The following ALDH1L1 variants were observed in gnomAD, a reference collection of about 807,000 sequenced individuals.
ALDH1L1 encodes the protein aldehyde dehydrogenase 1 family member L1.
ALDH1L1 carries 68 observed loss-of-function variants against 101.1 expected under a neutral mutation model. The observed-to-expected ratio is 0.67, with a 90% CI of 0.55 to 0.82. The LOEUF (loss-of-function observed/expected upper bound fraction) is 0.82, where lower values mean the gene tolerates loss of function less well. Ranked by LOEUF, ALDH1L1 falls within the 40% of genes least tolerant of loss-of-function variation. ALDH1L1 has a pLI of 0.00. For missense variants in ALDH1L1, 1,087 were observed against 1,172.7 expected, an observed-to-expected ratio of 0.93 and a Z score of 1.07; for synonymous variants, 486 against 470.8, an observed-to-expected ratio of 1.03 and a Z score of -0.42.
Position 126,109,931 on chromosome 3 carries a change from C to T in ALDH1L1, c.2347+13G>A. 6.2e-7 allele frequency: 1 copy of T among 1,613,188 alleles called. No individual in the cohort carries two copies. Among genetic ancestry groups the T allele is most frequent in the Non-Finnish European group, 8.5e-7 (1 of 1,179,804 alleles). On this transcript the variant is annotated intron_variant, in intron 20 of 22. Transcript: ENST00000393434. The stretch of plus-strand genomic sequence containing the variant: ...TCAATTGACCCAAGCGGACCTGACA[C>T]ACTCTGACTCACCTGGCCGAGGGAC...
At chr3:126,169,889 G>A (rs4404401) in intron 1 of ALDH1L1, among the ~76,000 whole-genome samples, 62,979 of 151,896 alleles carry the variant, frequency 0.41, 13,376 homozygotes, top group Middle Eastern at 0.53. Flanking sequence ...AAAAACTATA[G>A]CACACCTGTT....
intron 17 of ALDH1L1, among the ~76,000 whole-genome samples, chr3:126,116,496 T>A (rs2079975665): frequency 1.3e-5 from 2 of 152,142 alleles, no homozygotes; most frequent in Non-Finnish European, 2.9e-5. Context: ...TCTGGAGTGC[T>A]CAGAGCTGAC....
chr3:126,131,456 C>A lies in ALDH1L1; in HGVS notation c.1551G>T (p.Leu517=), dbSNP rs759680578. The change falls in exon 13 of 23, where the codon CTG becomes CTT. Residue 517 remains leucine, a synonymous_variant. Coordinates refer to ENST00000393434, the MANE Select transcript of ALDH1L1 (RefSeq NM_012190.4). ...ACATGCCCACGTGGGTCTTCAGGGC[C>A]AGCGTGTAGACGGCACCCGCATCCA... is the stretch of plus-strand genomic sequence containing the variant. The part of the protein sequence containing the change: ...EALDAGAVYT[L]ALKTHVGMSI... 2 of 1,613,584 alleles carry A rather than the reference C, an allele frequency of 1.2e-6. No individual in the cohort carries two copies. The highest frequency in any genetic ancestry group is 1.7e-6 in the Non-Finnish European group (2 of 1,179,532).
upstream of ALDH1L1, chr3:126,181,058 C>G (rs940341640): frequency 4.6e-6 from 7 of 1,534,628 alleles, no homozygotes; most frequent in African/African-American, 8.2e-5. Flanking sequence ...GCTGCGCATC[C>G]GGGTGGATAG....
chr3:126,112,167 G>C (rs561446222), intron 19 of ALDH1L1, among the ~76,000 whole-genome samples: 2 of 152,326 alleles, frequency 1.3e-5, no homozygotes, highest in African/African-American at 2.4e-5. Context: ...TGCTCTTCCA[G>C]GTGTGGCTGA....
intron 1 of ALDH1L1, among the ~76,000 whole-genome samples, chr3:126,187,465 G>A (rs973113881): frequency 6.6e-6 from 1 of 152,112 alleles, no homozygotes; most frequent in Non-Finnish European, 1.5e-5. Flanking sequence ...GTCATCTCCC[G>A]AGGTGGGATG....
intron 7 of ALDH1L1, 148 bp from the exon 8 acceptor site, chr3:126,150,679 C>T (rs1431616467): frequency 2.1e-6 from 2 of 947,412 alleles, no homozygotes; most frequent in Non-Finnish European, 1.5e-6. Context: ...CTCAGCCCTC[C>T]TGAATAGCTG....
chr3:126,148,800 C>A (rs1298079404), intron 8 of ALDH1L1, among the ~76,000 whole-genome samples: 1 of 152,154 alleles, frequency 6.6e-6, no homozygotes, highest in Non-Finnish European at 1.5e-5. Flanking sequence ...CCTGAAATAG[C>A]CAATCCTTCA....
rs1945848308 is a variant in ALDH1L1 at position 126,105,815 on chromosome 3, G to A, written c.2564C>T (p.Ala855Val). 6.2e-7 allele frequency: 1 copy of A among 1,614,228 alleles called. No individual in the cohort carries two copies. Among genetic ancestry groups the A allele is most frequent in the Non-Finnish European group, 8.5e-7 (1 of 1,180,038 alleles). Residue 855 changes from alanine (A) to valine (V), a missense_variant, in exon 22 of 23, where the codon GCA becomes GTA. By Grantham distance (64) the Ala-to-Val change is moderately conservative (BLOSUM62 0). This residue lies in a region of ALDH1L1 where 442 missense variants were observed against 535.7 expected (regional missense o/e 0.83). Transcript: ENST00000393434. ...GTACGTGTTGACAAACACAGTGCCT[G>A]CCTGGAGCTTGTCACTGACATACAG... The part of the protein sequence containing the change: ...KALYVSDKLQ[A>V]GTVFVNTYNK...
At chr3:126,155,169 A>G (rs1041129571) in intron 5 of ALDH1L1, among the ~76,000 whole-genome samples, 1 of 152,012 alleles carries the variant, frequency 6.6e-6, no homozygotes, top group Non-Finnish European at 1.5e-5. Flanking sequence ...ATTCCTCCTA[A>G]AGAGGAACAG....
intron 1 of ALDH1L1, among the ~76,000 whole-genome samples, chr3:126,197,313 C>T (rs1437332056): frequency 6.6e-6 from 1 of 152,162 alleles, no homozygotes; most frequent in Non-Finnish European, 1.5e-5. Context: ...CCATTTTTAC[C>T]TAAAACATTG....
At chr3:126,105,668 G>T in intron 22 of ALDH1L1, 58 bp downstream of exon 22, 1 of 1,596,980 alleles carries the variant, frequency 6.3e-7, no homozygotes, top group South Asian at 1.1e-5. Flanking sequence ...AAGTGGTTTT[G>T]AACAGATGTT....
At chr3:126,154,758 T>G in intron 5 of ALDH1L1, 115 bp from the exon 6 acceptor site, 1 of 884,412 alleles carries the variant, frequency 1.1e-6, no homozygotes, top group East Asian at 2.6e-5. Flanking sequence ...CCCAGCTTCC[T>G]CTTAGACACT....
At chr3:126,188,426 C>T (rs1200697082) in intron 1 of ALDH1L1, among the ~76,000 whole-genome samples, 2 of 152,098 alleles carry the variant, frequency 1.3e-5, no homozygotes, top group South Asian at 2.1e-4. Context: ...TTGCAGATAC[C>T]GAGAGACCAC....
chr3:126,189,285 A>C (rs949226340), intron 1 of ALDH1L1, among the ~76,000 whole-genome samples: 2 of 152,220 alleles, frequency 1.3e-5, no homozygotes, highest in African/African-American at 2.4e-5. Flanking sequence ...CCAAGTAAAA[A>C]AGTAGGCATA....
rs1945848399 is a variant in ALDH1L1 at position 126,105,818 on chromosome 3, T to C, written c.2561A>G (p.Gln854Arg). The change falls in exon 22 of 23, where the codon CAG (glutamine) becomes CGG (arginine). Residue 854 changes from glutamine (Q) to arginine (R), a missense_variant. By Grantham distance (43) the Gln-to-Arg change is conservative. Coordinates refer to ENST00000393434, the MANE Select transcript of ALDH1L1 (RefSeq NM_012190.4). ...NKALYVSDKL[Q>R]AGTVFVNTYN... Reference sequence around the variant, plus strand: ...CGTGTTGACAAACACAGTGCCTGCCTGGAGCTTGTCACTGACATACAGGGC... The same window carrying C: ...CGTGTTGACAAACACAGTGCCTGCCCGGAGCTTGTCACTGACATACAGGGC... 1.5e-5 allele frequency: 24 copies of C among 1,614,204 alleles called. No individual in the cohort carries two copies. Among genetic ancestry groups the C allele is most frequent in the Non-Finnish European group, 2.0e-5 (24 of 1,180,032 alleles).
chr3:126,150,582 T>C, intron 7 of ALDH1L1, 51 bp from the exon 8 acceptor site: 1 of 1,515,270 alleles, frequency 6.6e-7, no homozygotes, highest in Non-Finnish European at 8.9e-7. Context: ...TGAGACAGAG[T>C]CTTGCTCTGT....
intron 1 of ALDH1L1, among the ~76,000 whole-genome samples, chr3:126,167,639 T>A (rs1263161703): frequency 2.0e-5 from 3 of 151,956 alleles, no homozygotes; most frequent in Non-Finnish European, 4.4e-5. Flanking sequence ...TAAATAATGT[T>A]AACGTGGGAG....
At position 126,110,084 on chromosome 3, in the gene ALDH1L1, A is replaced by G; in HGVS notation, c.2207T>C (p.Val736Ala). ...GGTGTCCCTGTCCAGCGGGTTGCCC[A>G]CCTTCATCTTCCGCACCTCTTCTAC... ...RVVEEVRKMK[V>A]GNPLDRDTDH... The change falls in exon 20 of 23, where the codon GTG (valine) becomes GCG (alanine). Residue 736 changes from valine (V) to alanine (A), a missense_variant. Val to Ala is a moderately conservative substitution (Grantham distance 64, BLOSUM62 0). Coordinates refer to ENST00000393434, the MANE Select transcript of ALDH1L1 (RefSeq NM_012190.4). The G allele has an allele frequency of 6.2e-7, 1 of 1,614,174 alleles. No individual in the cohort carries two copies.
Sources: allele counts gnomAD v4.1 joint callset (sites outside exome capture counted in the v4.1 genomes callset), GRCh38; gene constraint gnomAD v4.1.1; regional missense constraint gnomAD v4.1.1; transcripts MANE v1.5; gene names NCBI Gene and HGNC (gene_info 2026-07-23, HGNC 2026-07-21).